Variants in PDE12 observed in about 807,000 individuals in gnomAD.
PDE12 encodes 2',5'-phosphodiesterase 12.
Under a neutral mutation model 45.4 loss-of-function variants are expected in PDE12, and 26 were observed. The observed-to-expected ratio is 0.57, with a 90% CI of 0.42 to 0.79. PDE12 has a LOEUF of 0.79. Among genes scored for constraint, PDE12 ranks in the 30% least tolerant of loss-of-function variants. The pLI, the probability that PDE12 is intolerant of heterozygous loss-of-function variation, is 0.00. For synonymous variants in PDE12, 283 were observed against 323.9 expected, an observed-to-expected ratio of 0.87 and a Z score of 1.36; for missense variants, 668 against 790.0, an observed-to-expected ratio of 0.85 and a Z score of 1.85.
the PDE12 span, among the ~76,000 whole-genome samples, chr3:57,582,638 T>C: frequency 6.6e-6 from 1 of 152,150 alleles, no homozygotes; most frequent in Non-Finnish European, 1.5e-5. Context: ...GGGTATTCAC[T>C]GCCACCTGAT....
chr3:57,634,900 A>C, the PDE12 span: 1 of 688,918 alleles, frequency 1.5e-6, no homozygotes, highest in East Asian at 3.1e-5. Context: ...ACATCTATTA[A>C]TATGTTAAGG....
Position 57,557,164 on chromosome 3 carries a change from G to A in PDE12, c.785G>A (p.Arg262Gln), listed in dbSNP as rs2069672627. 3 of 1,614,102 alleles carry A rather than the reference G, an allele frequency of 1.9e-6. No homozygotes were observed. Among genetic ancestry groups the A allele is most frequent in the East Asian group, 2.2e-5 (1 of 44,878 alleles). The change falls in exon 1 of 3, where the codon CGG (arginine) becomes CAG (glutamine). Residue 262 changes from arginine to glutamine, a missense_variant. Arg to Gln is a conservative substitution (Grantham distance 43). Around this residue, in one of 3 missense-constraint regions of PDE12, gnomAD observed 580 missense variants for 662.9 expected, o/e 0.87. Coordinates refer to ENST00000311180, the MANE Select transcript of PDE12 (RefSeq NM_177966.7). ...PGDGQRFGHS[R>Q]ELESVCVVEA... Reference sequence around the variant, plus strand: ...GATGGGCAGCGCTTTGGGCACAGCCGGGAGTTGGAAAGTGTGTGTGTGGTA... The same window carrying A: ...GATGGGCAGCGCTTTGGGCACAGCCAGGAGTTGGAAAGTGTGTGTGTGGTA...
chr3:57,590,670 G>A, the PDE12 span, among the ~76,000 whole-genome samples: 1 of 152,066 alleles, frequency 6.6e-6, no homozygotes, highest in Non-Finnish European at 1.5e-5. Flanking sequence ...AAGTGTGTGT[G>A]TGTACATATA....
the PDE12 span, chr3:57,584,311 ATCT>A: frequency 7.8e-7 from 1 of 1,280,144 alleles, no homozygotes; most frequent in Non-Finnish European, 1.1e-6. Flanking sequence ...CAAAAAGACA[ATCT>A]CAAAACTAGA....
chr3:57,568,275 G>C (rs2069804388), downstream of PDE12, among the ~76,000 whole-genome samples: 1 of 151,482 alleles, frequency 6.6e-6, no homozygotes, highest in African/African-American at 2.4e-5. Flanking sequence ...GCCAGCCTAA[G>C]CAACATGGCG....
the PDE12 span, among the ~76,000 whole-genome samples, chr3:57,574,912 G>A: frequency 9.3e-5 from 14 of 150,140 alleles, no homozygotes; most frequent in East Asian, 1.2e-3. Flanking sequence ...GCAGTGGCGC[G>A]ATCGCGACTC....
chr3:57,588,887 G>A, the PDE12 span, among the ~76,000 whole-genome samples: 1 of 152,146 alleles, frequency 6.6e-6, no homozygotes, highest in Non-Finnish European at 1.5e-5. Context: ...TGGATCACCT[G>A]AAGTCAGGAA....
downstream of PDE12, among the ~76,000 whole-genome samples, chr3:57,569,829 C>CAAAA (rs11310053): frequency 2.2e-4 from 15 of 67,868 alleles, no homozygotes; most frequent in South Asian, 6.3e-4. Context: ...AAAACCATCT[C>CAAAA]AAAAAAAAAA....
At chr3:57,602,164 G>A in the PDE12 span, among the ~76,000 whole-genome samples, 1 of 152,064 alleles carries the variant, frequency 6.6e-6, no homozygotes, top group African/African-American at 2.4e-5. Context: ...TGTACTTAAT[G>A]TGCATTATCC....
chr3:57,626,278 G>A, the PDE12 span: 2 of 152,550 alleles, frequency 1.3e-5, no homozygotes, highest in Non-Finnish European at 2.9e-5. Context: ...ATGCCCTTAA[G>A]AGTTATATCG....
chr3:57,603,845 C>T, the PDE12 span, among the ~76,000 whole-genome samples: 3 of 152,024 alleles, frequency 2.0e-5, no homozygotes, highest in Admixed American at 2.0e-4. Flanking sequence ...TGGTCTCAAA[C>T]TCCTGACCTC....
At chr3:57,588,470 G>A in the PDE12 span, among the ~76,000 whole-genome samples, 2 of 152,114 alleles carry the variant, frequency 1.3e-5, no homozygotes, top group Non-Finnish European at 2.9e-5. Context: ...CATGTTGGGA[G>A]GCTGAGGCAG....
the PDE12 span, among the ~76,000 whole-genome samples, chr3:57,643,692 T>C: frequency 1.3e-5 from 2 of 151,522 alleles, no homozygotes; most frequent in Non-Finnish European, 2.9e-5. Context: ...CTGGGTGTGG[T>C]GGTGCATGCC....
At chr3:57,630,135 A>G in the PDE12 span, among the ~76,000 whole-genome samples, 1 of 152,190 alleles carries the variant, frequency 6.6e-6, no homozygotes, top group South Asian at 2.1e-4. Flanking sequence ...TGGCTCCACT[A>G]CTTAGCAGGG....
chr3:57,572,378 TAA>T, the PDE12 span: 1 of 1,102,506 alleles, frequency 9.1e-7, no homozygotes, highest in Non-Finnish European at 1.4e-6. Context: ...TAATCAAACT[TAA>T]GAGTCTTTTC....
At chr3:57,605,794 A>T in the PDE12 span, among the ~76,000 whole-genome samples, 4 of 152,174 alleles carry the variant, frequency 2.6e-5, no homozygotes, top group Admixed American at 2.0e-4. Flanking sequence ...ATAAGTAAAG[A>T]CATGTAAGAT....
chr3:57,584,369 T>C, the PDE12 span: 638 of 1,575,714 alleles, frequency 4.0e-4, 6 homozygotes, highest in Middle Eastern at 0.018. Flanking sequence ...TAAAGTCATC[T>C]GTAAACTTTC....
the PDE12 span, among the ~76,000 whole-genome samples, chr3:57,580,460 G>A: frequency 1.2e-4 from 19 of 152,040 alleles, no homozygotes; most frequent in Non-Finnish European, 2.4e-4. Context: ...GGAGTACAGA[G>A]GCGCAACTGT....
At chr3:57,593,790 C>T in the PDE12 span, among the ~76,000 whole-genome samples, 1 of 152,152 alleles carries the variant, frequency 6.6e-6, no homozygotes, top group Non-Finnish European at 1.5e-5. Flanking sequence ...AACCCTAGCA[C>T]TTTTCGAGGC....
Sources: allele counts gnomAD v4.1 joint callset (sites outside exome capture counted in the v4.1 genomes callset), GRCh38; gene constraint gnomAD v4.1.1; regional missense constraint gnomAD v4.1.1; transcripts MANE v1.5; gene names NCBI Gene and HGNC (gene_info 2026-07-23, HGNC 2026-07-21).